The following UNC5C variants were observed in gnomAD, a reference collection of about 807,000 sequenced individuals.
The protein encoded by UNC5C is unc-5 netrin receptor C.
UNC5C carries 47 observed loss-of-function variants against 99.8 expected under a neutral mutation model. That is an observed-to-expected ratio of 0.47 (90% CI 0.37 to 0.60). The LOEUF (loss-of-function observed/expected upper bound fraction) is 0.60. Ranked by LOEUF, UNC5C falls within the 20% of genes least tolerant of loss-of-function variation. The pLI, the probability that UNC5C is intolerant of heterozygous loss-of-function variation, is 0.00. For missense variants in UNC5C, 1,062 were observed against 1,165.9 expected, an observed-to-expected ratio of 0.91 and a Z score of 1.30; for synonymous variants, 487 against 452.2, an observed-to-expected ratio of 1.08 and a Z score of -0.98.
At chr4:95,285,489 C>T (rs1472996086) in intron 3 of UNC5C, among the ~76,000 whole-genome samples, 1 of 152,088 alleles carries the variant, frequency 6.6e-6, no homozygotes, top group African/African-American at 2.4e-5. Flanking sequence ...ATTATAATTA[C>T]ATTTATTATT....
chr4:95,190,393 G>A (rs1473837118), intron 12 of UNC5C, among the ~76,000 whole-genome samples: 1 of 152,142 alleles, frequency 6.6e-6, no homozygotes, highest in Admixed American at 6.5e-5. Context: ...TAATGTAAAT[G>A]AGGAGTTAAT....
intron 7 of UNC5C, among the ~76,000 whole-genome samples, chr4:95,234,064 A>G (rs1739009638): frequency 1.3e-5 from 2 of 152,196 alleles, no homozygotes; most frequent in Admixed American, 6.5e-5. Flanking sequence ...GAGATTTCTT[A>G]AGTGTTTTCT....
At chr4:95,465,953 C>G (rs1433757552) in intron 1 of UNC5C, among the ~76,000 whole-genome samples, 1 of 152,122 alleles carries the variant, frequency 6.6e-6, no homozygotes, top group Non-Finnish European at 1.5e-5. Flanking sequence ...TTATCTTACC[C>G]TATGCTTTCC....
chr4:95,250,736 G>C (rs1739673100), intron 4 of UNC5C, 69 bp from the exon 5 acceptor site: 2 of 1,478,438 alleles, frequency 1.4e-6, no homozygotes, highest in African/African-American at 2.8e-5. Context: ...GTCCTAACCT[G>C]CATTTTGTAC....
intron 1 of UNC5C, among the ~76,000 whole-genome samples, chr4:95,462,926 G>C (rs369352182): frequency 1.3e-5 from 2 of 152,162 alleles, no homozygotes; most frequent in African/African-American, 4.8e-5. Flanking sequence ...CCTTGAGGCT[G>C]CTCTGCTAGT....
chr4:95,256,075 G>A (rs558401044), intron 4 of UNC5C, among the ~76,000 whole-genome samples: 1 of 152,128 alleles, frequency 6.6e-6, no homozygotes, highest in Non-Finnish European at 1.5e-5. Flanking sequence ...ACACTTTCCT[G>A]GGTTTTGTCC....
intron 1 of UNC5C, among the ~76,000 whole-genome samples, chr4:95,345,096 C>A (rs565812696): frequency 6.6e-6 from 1 of 152,012 alleles, no homozygotes; most frequent in South Asian, 2.1e-4. Context: ...ACCCAATGAT[C>A]TGTTGCCTAC....
intron 1 of UNC5C, among the ~76,000 whole-genome samples, chr4:95,475,530 G>A (rs965727320): frequency 2.2e-5 from 3 of 136,466 alleles, no homozygotes; most frequent in African/African-American, 6.5e-5. Flanking sequence ...GAGAAAGACA[G>A]ACAGATAGAC....
chr4:95,273,518 AC>A (rs1490585573), intron 4 of UNC5C, among the ~76,000 whole-genome samples: 1 of 152,200 alleles, frequency 6.6e-6, no homozygotes, highest in African/African-American at 2.4e-5. Context: ...TAGTGGAATA[AC>A]CCAGCACCAG....
intron 1 of UNC5C, among the ~76,000 whole-genome samples, chr4:95,499,036 A>C (rs548169688): frequency 6.8e-4 from 104 of 152,218 alleles, no homozygotes; most frequent in Non-Finnish European, 1.2e-3. Flanking sequence ...AAGAAAACTA[A>C]AGCTTTACAG....
At chr4:95,315,076 A>C (rs1742421804) in intron 2 of UNC5C, among the ~76,000 whole-genome samples, 1 of 152,154 alleles carries the variant, frequency 6.6e-6, no homozygotes, top group Non-Finnish European at 1.5e-5. Context: ...AATTGTTTGG[A>C]GGTAAGCATT....
At chr4:95,397,549 G>A (rs969881291) in intron 1 of UNC5C, among the ~76,000 whole-genome samples, 6 of 152,038 alleles carry the variant, frequency 3.9e-5, no homozygotes, top group Non-Finnish European at 5.9e-5. Flanking sequence ...AATTTTTTAC[G>A]TACATCCTAA....
intron 1 of UNC5C, among the ~76,000 whole-genome samples, chr4:95,478,666 T>G (rs182055064): frequency 1.8e-4 from 27 of 152,150 alleles, no homozygotes; most frequent in Admixed American, 4.6e-4. Flanking sequence ...TTATTTTGTT[T>G]TTTAACTCTG....
At position 95,354,479 on chromosome 4, in the gene UNC5C, A is replaced by ATATATATATATATATATATATTT; in HGVS notation, c.125-18849_125-18848insAAATATATATATATATATATATA. ...TTACCTAACTCTTCCATATATATAT[A>ATATATATATATATATATATATTT]TTTTTTTTTTTTTTTTAAGAGACAG... On this transcript the variant is annotated intron_variant, in intron 1 of 15. Transcript: ENST00000453304. 1.1e-3 allele frequency among the ~76,000 whole-genome samples: 117 copies of ATATATATATATATATATATATTT among 110,286 alleles called. 1 individual carries two copies. Among genetic ancestry groups the ATATATATATATATATATATATTT allele is most frequent in the South Asian group, 3.2e-3 (11 of 3,404 alleles). 72.4% of individuals were successfully genotyped at this position (110,286 alleles called of 152,430 possible).
At chr4:95,485,713 AGTT>A (rs1315392541) in intron 1 of UNC5C, among the ~76,000 whole-genome samples, 3 of 151,744 alleles carry the variant, frequency 2.0e-5, no homozygotes, top group African/African-American at 7.3e-5. Flanking sequence ...GAGAAAGATA[AGTT>A]GTTTTGATCA....
At chr4:95,522,801 C>T (rs866854162) in intron 1 of UNC5C, among the ~76,000 whole-genome samples, 1 of 152,122 alleles carries the variant, frequency 6.6e-6, no homozygotes, top group Non-Finnish European at 1.5e-5. Flanking sequence ...GTGCTTGGAA[C>T]TGCTGGGGAG....
rs13135115 is a variant in UNC5C, at chr4:95,481,246, G to T, written c.124+67488C>A. On this transcript the variant is annotated intron_variant, in intron 1 of 15. Transcript: ENST00000453304. ...AAACAGAGAGCCAAATCATGAGTGA[G>T]CTCCCATTCACAATTGCTTCAAAGA... Among the ~76,000 whole-genome samples, 6 of 151,610 alleles carry T rather than the reference G, an allele frequency of 4.0e-5. No homozygotes were observed. The South Asian group carries it at 1.3e-3, about 32-fold the overall frequency.
chr4:95,532,225 T>C (rs1722664871), intron 1 of UNC5C, among the ~76,000 whole-genome samples: 2 of 152,060 alleles, frequency 1.3e-5, no homozygotes, highest in Admixed American at 1.3e-4. Flanking sequence ...GGTGAGGAGA[T>C]TGGCCTTTTA....
rs1213449404 is a variant in UNC5C at position 95,536,159 on chromosome 4, C to A, written c.124+12575G>T. Among the ~76,000 whole-genome samples the A allele has an allele frequency of 4.0e-5, 6 of 151,032 alleles. No homozygotes were observed. The South Asian group carries it at 8.3e-4, about 21-fold the overall frequency. On this transcript the variant is annotated intron_variant, in intron 1 of 15. Coordinates refer to ENST00000453304, the MANE Select transcript of UNC5C (RefSeq NM_003728.4). ...ATAGCACGATCTCTGCTTACTGCAA[C>A]CTCTGCCTCCTGTTCAAGTGATTCT...
Sources: allele counts gnomAD v4.1 joint callset (sites outside exome capture counted in the v4.1 genomes callset), GRCh38; gene constraint gnomAD v4.1.1; transcripts MANE v1.5; gene names NCBI Gene and HGNC (gene_info 2026-07-23, HGNC 2026-07-21).